Variants in UBASH3B observed in about 807,000 individuals in gnomAD.
UBASH3B encodes ubiquitin-associated and SH3 domain-containing protein B.
Under a neutral mutation model 83.4 loss-of-function variants are expected in UBASH3B, and 37 were observed. The observed-to-expected ratio is 0.44, with a 90% CI of 0.34 to 0.58. The LOEUF is 0.58. Ranked by LOEUF, UBASH3B falls within the 20% of genes least tolerant of loss-of-function variation. The probability of loss-of-function intolerance (pLI) is 0.01; values close to 1 mark genes in which losing one functional copy is unlikely to be tolerated. For synonymous variants in UBASH3B, 304 were observed against 318.3 expected, an observed-to-expected ratio of 0.96 and a Z score of 0.48; for missense variants, 657 against 827.2, an observed-to-expected ratio of 0.79 and a Z score of 2.52.
At chr11:122,683,718 C>T (rs1291573057) in intron 1 of UBASH3B, among the ~76,000 whole-genome samples, 1 of 149,354 alleles carries the variant, frequency 6.7e-6, no homozygotes, top group Non-Finnish European at 1.5e-5. Context: ...CACATATCCT[C>T]AATTGCCTTA....
intron 1 of UBASH3B, among the ~76,000 whole-genome samples, chr11:122,723,569 G>A (rs948333345): frequency 1.3e-5 from 2 of 152,224 alleles, no homozygotes; most frequent in Non-Finnish European, 2.9e-5. Flanking sequence ...GTGGTGGAAA[G>A]GCAGGCCCCA....
intron 1 of UBASH3B, among the ~76,000 whole-genome samples, chr11:122,737,307 G>C (rs565721433): frequency 6.6e-6 from 1 of 152,322 alleles, no homozygotes; most frequent in South Asian, 2.1e-4. Flanking sequence ...AGCTGCCGGA[G>C]TTGTCAAAGC....
intron 1 of UBASH3B, among the ~76,000 whole-genome samples, chr11:122,667,190 C>T (rs1663404671): frequency 2.0e-5 from 3 of 151,634 alleles, no homozygotes; most frequent in African/African-American, 4.8e-5. Flanking sequence ...ATTACAGGCA[C>T]GCACCACCAC....
chr11:122,805,785 T>C (rs1861331244), intron 11 of UBASH3B, among the ~76,000 whole-genome samples: 1 of 152,138 alleles, frequency 6.6e-6, no homozygotes, highest in African/African-American at 2.4e-5. Context: ...CACATGCCTT[T>C]GTAGATTGTA....
At chr11:122,700,497 CT>C (rs10640825) in intron 1 of UBASH3B, among the ~76,000 whole-genome samples, 10 of 118,768 alleles carry the variant, frequency 8.4e-5, no homozygotes, top group Admixed American at 2.1e-4. Context: ...TACTTCTGAT[CT>C]TTTTTTTTTT....
intron 1 of UBASH3B, among the ~76,000 whole-genome samples, chr11:122,664,130 C>G (rs1187077334): frequency 1.3e-5 from 2 of 152,164 alleles, no homozygotes; most frequent in Non-Finnish European, 2.9e-5. Flanking sequence ...GATGCTTTCT[C>G]CCTGATAACT....
At chr11:122,702,304 A>C (rs112467369) in intron 1 of UBASH3B, among the ~76,000 whole-genome samples, 2,051 of 152,260 alleles carry the variant, frequency 0.013, 23 homozygotes, top group Non-Finnish European at 0.023. Context: ...GCATGGAGAG[A>C]GAAGAGTCTA....
chr11:122,660,292 G>C (rs1419113364), intron 1 of UBASH3B, among the ~76,000 whole-genome samples: 1 of 152,180 alleles, frequency 6.6e-6, no homozygotes, highest in Non-Finnish European at 1.5e-5. Flanking sequence ...GTGCGCTCGT[G>C]TGCAAGTCCA....
chr11:122,769,298 G>A (rs902711030), intron 1 of UBASH3B, among the ~76,000 whole-genome samples: 1 of 152,156 alleles, frequency 6.6e-6, no homozygotes, highest in Non-Finnish European at 1.5e-5. Flanking sequence ...ACTCCCAGAA[G>A]ACTGGCTCCA....
intron 6 of UBASH3B, among the ~76,000 whole-genome samples, chr11:122,790,050 C>T (rs1861023293): frequency 1.3e-5 from 2 of 152,258 alleles, no homozygotes; most frequent in South Asian, 4.1e-4. Context: ...TTCCCTGGCA[C>T]ACTGGGGCAT....
At chr11:122,689,222 A>T (rs1403022696) in intron 1 of UBASH3B, among the ~76,000 whole-genome samples, 1 of 152,244 alleles carries the variant, frequency 6.6e-6, no homozygotes, top group African/African-American at 2.4e-5. Flanking sequence ...ATTATTTATA[A>T]TTATGTTTAA....
intron 1 of UBASH3B, among the ~76,000 whole-genome samples, chr11:122,668,604 CA>C (rs1036115758): frequency 2.8e-4 from 42 of 152,148 alleles, no homozygotes; most frequent in African/African-American, 8.2e-4. Flanking sequence ...TCTGCTATAG[CA>C]GAAAGAAAAT....
At chr11:122,792,204 A>G (rs1861067486) in intron 6 of UBASH3B, among the ~76,000 whole-genome samples, 1 of 152,186 alleles carries the variant, frequency 6.6e-6, no homozygotes. Context: ...CACAGCTGCG[A>G]TAAAGAAACA....
intron 5 of UBASH3B, among the ~76,000 whole-genome samples, chr11:122,785,310 C>T (rs375850747): frequency 3.9e-5 from 6 of 152,318 alleles, no homozygotes; most frequent in South Asian, 2.1e-4. Flanking sequence ...TGAGGTCTTT[C>T]GGTCCTACCT....
chr11:122,789,620 G>A (rs1486828077), intron 6 of UBASH3B, among the ~76,000 whole-genome samples: 2 of 152,156 alleles, frequency 1.3e-5, no homozygotes, highest in African/African-American at 4.8e-5. Context: ...CTGCTTTAGG[G>A]CTTCTGTCCA....
intron 1 of UBASH3B, among the ~76,000 whole-genome samples, chr11:122,694,248 G>A (rs1031953674): frequency 1.3e-5 from 2 of 152,012 alleles, no homozygotes; most frequent in African/African-American, 4.8e-5. Context: ...CAGAACACTG[G>A]CAGGGAGGGG....
chr11:122,727,151 C>T (rs73018230), intron 1 of UBASH3B, among the ~76,000 whole-genome samples: 8,470 of 152,258 alleles, frequency 0.056, 335 homozygotes, highest in Non-Finnish European at 0.087. Flanking sequence ...GATTTTAAGC[C>T]GCGTCCTGCC....
chr11:122,745,332 G>C (rs1232053419), intron 1 of UBASH3B, among the ~76,000 whole-genome samples: 1 of 152,184 alleles, frequency 6.6e-6, no homozygotes, highest in East Asian at 1.9e-4. Flanking sequence ...GTTCCTGGTA[G>C]CTGGCAGGGG....
At chr11:122,681,772 T>C (rs1425654861) in intron 1 of UBASH3B, among the ~76,000 whole-genome samples, 4 of 151,978 alleles carry the variant, frequency 2.6e-5, no homozygotes, top group African/African-American at 9.7e-5. Flanking sequence ...CCCTTCAGGG[T>C]TTGAAAAAAA....
Sources: allele counts gnomAD v4.1 joint callset (sites outside exome capture counted in the v4.1 genomes callset), GRCh38; gene constraint gnomAD v4.1.1; transcripts MANE v1.5; gene names NCBI Gene and HGNC (gene_info 2026-07-23, HGNC 2026-07-21).